DST: variants seen among roughly 807,000 people sequenced by gnomAD.
DST encodes the protein bullous pemphigoid antigen.
Under a neutral mutation model 875.2 loss-of-function variants are expected in DST, and 253 were observed. That is an observed-to-expected ratio of 0.29 (90% CI 0.26 to 0.32). The LOEUF is 0.32. Among genes scored for constraint, DST ranks in the 10% least tolerant of loss-of-function variants. The pLI is 1.00. For missense variants in DST, 8,287 were observed against 9,111.6 expected, an observed-to-expected ratio of 0.91 and a Z score of 3.68; for synonymous variants, 3,124 against 3,197.1, an observed-to-expected ratio of 0.98 and a Z score of 0.77.
intron 69 of DST, among the ~76,000 whole-genome samples, chr6:56,521,625 A>G (rs1038423682): frequency 8.3e-5 from 6 of 72,558 alleles, no homozygotes; most frequent in Non-Finnish European, 1.9e-4. Context: ...AAAAAAAAAA[A>G]GACTTCAAAC....
At chr6:56,771,483 G>A (rs959509652) in intron 4 of DST, among the ~76,000 whole-genome samples, 10 of 152,084 alleles carry the variant, frequency 6.6e-5, no homozygotes, top group Non-Finnish European at 1.2e-4. Context: ...AAATGTTGCT[G>A]TAATTTTATT....
intron 5 of DST, among the ~76,000 whole-genome samples, chr6:56,732,713 T>G (rs998752266): frequency 6.6e-6 from 1 of 152,202 alleles, no homozygotes; most frequent in Non-Finnish European, 1.5e-5. Context: ...TATAGCTACA[T>G]AAATCACAAC....
intron 18 of DST, 39 bp downstream of exon 18, chr6:56,640,104 A>G (rs1563385650): frequency 6.2e-7 from 1 of 1,613,612 alleles, no homozygotes. Context: ...TGATAACAAT[A>G]AAGACTGAAA....
chr6:56,773,829 T>G (rs1397750335), intron 4 of DST, among the ~76,000 whole-genome samples: 1 of 152,166 alleles, frequency 6.6e-6, no homozygotes, highest in Non-Finnish European at 1.5e-5. Flanking sequence ...TCCTAGAATT[T>G]CTCTCAGGCT....
intron 4 of DST, among the ~76,000 whole-genome samples, chr6:56,783,323 G>T (rs979065148): frequency 3.9e-5 from 6 of 152,220 alleles, no homozygotes; most frequent in African/African-American, 1.4e-4. Context: ...TGACAGTGGG[G>T]TGTTAAAGTC....
At chr6:56,663,532 C>T (rs1437069323) in intron 10 of DST, among the ~76,000 whole-genome samples, 1 of 152,208 alleles carries the variant, frequency 6.6e-6, no homozygotes, top group Non-Finnish European at 1.5e-5. Flanking sequence ...CCTATGGGAA[C>T]ATTTCAAACC....
At chr6:56,493,769 G>A (rs529438328) in intron 83 of DST, among the ~76,000 whole-genome samples, 1 of 151,988 alleles carries the variant, frequency 6.6e-6, no homozygotes, top group African/African-American at 2.4e-5. Context: ...ATATAACTAA[G>A]TAACATTTGA....
chr6:56,911,647 T>A (rs1798865873), intron 2 of DST, among the ~76,000 whole-genome samples: 1 of 152,170 alleles, frequency 6.6e-6, no homozygotes. Context: ...ACATACAACA[T>A]GCCTTAAAAT....
At chr6:56,941,280 T>A (rs1405196770) in intron 2 of DST, among the ~76,000 whole-genome samples, 1 of 152,214 alleles carries the variant, frequency 6.6e-6, no homozygotes, top group Non-Finnish European at 1.5e-5. Flanking sequence ...TTAAATTTCC[T>A]TTATGGTTTC....
chr6:56,732,340 T>C (rs1391267602), intron 5 of DST, among the ~76,000 whole-genome samples: 1 of 152,184 alleles, frequency 6.6e-6, no homozygotes, highest in African/African-American at 2.4e-5. Context: ...TTTTTTCAAG[T>C]ATCGCTAATT....
intron 80 of DST, 99 bp downstream of exon 80, chr6:56,500,981 T>C (rs1024011760): frequency 8.4e-7 from 1 of 1,189,686 alleles, no homozygotes; most frequent in Middle Eastern, 2.0e-4. Flanking sequence ...GTCAAAATCA[T>C]AAACTTGAAA....
At chr6:56,837,436 C>T (rs1387758723) in intron 4 of DST, among the ~76,000 whole-genome samples, 2 of 152,110 alleles carry the variant, frequency 1.3e-5, no homozygotes, top group African/African-American at 4.8e-5. Context: ...TATAATTTTA[C>T]AGTACCCACC....
At chr6:56,555,237 T>A (rs1345679966) in intron 60 of DST, 108 bp downstream of exon 60, 7 of 1,231,720 alleles carry the variant, frequency 5.7e-6, no homozygotes, top group Non-Finnish European at 7.8e-6. Context: ...ATGTTAACAG[T>A]GGGGCAGAGT....
At chr6:56,462,097 A>T (rs918374681) in intron 102 of DST, 1 of 152,230 alleles carries the variant, frequency 6.6e-6, no homozygotes, top group Non-Finnish European at 1.5e-5. Flanking sequence ...TATTACTTTT[A>T]TTTGAGGATC....
At chr6:56,524,955 C>T (rs956450632) in intron 69 of DST, among the ~76,000 whole-genome samples, 2 of 151,980 alleles carry the variant, frequency 1.3e-5, no homozygotes, top group South Asian at 2.1e-4. Flanking sequence ...TAAAGGATTC[C>T]GGAAGACTTA....
intron 2 of DST, among the ~76,000 whole-genome samples, chr6:56,935,763 T>C (rs1812693947): frequency 6.6e-6 from 1 of 151,818 alleles, no homozygotes. Flanking sequence ...CCGTCTCTAC[T>C]AAAATACAAA....
intron 4 of DST, among the ~76,000 whole-genome samples, chr6:56,767,790 G>C (rs1224575814): frequency 6.6e-6 from 1 of 152,168 alleles, no homozygotes; most frequent in East Asian, 1.9e-4. Flanking sequence ...TGATCAGAGA[G>C]TCCCCATTGA....
intron 2 of DST, among the ~76,000 whole-genome samples, chr6:56,942,819 G>T (rs1475137597): frequency 4.0e-5 from 6 of 148,194 alleles, no homozygotes; most frequent in African/African-American, 1.5e-4. Flanking sequence ...GGGCTTAAAA[G>T]CAGTCAGCCG....
chr6:56,785,418 G>A (rs1261009992), intron 4 of DST, among the ~76,000 whole-genome samples: 2 of 152,194 alleles, frequency 1.3e-5, no homozygotes, highest in Non-Finnish European at 2.9e-5. Flanking sequence ...GGCAATGGCA[G>A]GCGCCCCTCC....
Sources: allele counts gnomAD v4.1 joint callset (sites outside exome capture counted in the v4.1 genomes callset), GRCh38; gene constraint gnomAD v4.1.1; transcripts MANE v1.5; gene names NCBI Gene and HGNC (gene_info 2026-07-23, HGNC 2026-07-21).